The following SEMA3E variants were observed in gnomAD, a reference collection of about 807,000 sequenced individuals.
SEMA3E encodes semaphorin-3E.
Under a neutral mutation model 93.6 loss-of-function variants are expected in SEMA3E, and 49 were observed. That is an observed-to-expected ratio of 0.52 (90% CI 0.42 to 0.66). The LOEUF (loss-of-function observed/expected upper bound fraction) is 0.66, where lower values mean the gene tolerates loss of function less well. Among genes scored for constraint, SEMA3E ranks in the 30% least tolerant of loss-of-function variants. The pLI is 0.00. For missense variants in SEMA3E, 906 were observed against 964.8 expected (o/e 0.94, Z 0.81); for synonymous variants, 363 against 330.7 (o/e 1.10, Z -1.06).
intron 4 of SEMA3E, among the ~76,000 whole-genome samples, chr7:83,461,537 T>A (rs1474435310): frequency 6.6e-6 from 1 of 152,214 alleles, no homozygotes; most frequent in East Asian, 1.9e-4. Flanking sequence ...TCAAGGTTAA[T>A]GCTCTTTTTC....
At chr7:83,389,666 C>T (rs1025247296) in intron 14 of SEMA3E, among the ~76,000 whole-genome samples, 1 of 150,394 alleles carries the variant, frequency 6.6e-6, no homozygotes. Flanking sequence ...TATACATACA[C>T]ACATATACAC....
chr7:83,568,557 A>G (rs990639782), intron 1 of SEMA3E, among the ~76,000 whole-genome samples: 1 of 152,200 alleles, frequency 6.6e-6, no homozygotes, highest in Non-Finnish European at 1.5e-5. Flanking sequence ...CAAGGATGCA[A>G]GGATGGATTA....
At chr7:83,611,848 A>G (rs1234037930) in intron 1 of SEMA3E, among the ~76,000 whole-genome samples, 1 of 152,052 alleles carries the variant, frequency 6.6e-6, no homozygotes, top group Non-Finnish European at 1.5e-5. Context: ...GAGTCAGACC[A>G]AGTCATTCCT....
chr7:83,467,229 T>C (rs1384533732), intron 3 of SEMA3E, among the ~76,000 whole-genome samples: 1 of 152,120 alleles, frequency 6.6e-6, no homozygotes, highest in African/African-American at 2.4e-5. Flanking sequence ...CATGCCCAGC[T>C]AATCTTTTTG....
chr7:83,511,844 C>T lies in SEMA3E; in HGVS notation c.116-21570G>A, dbSNP rs550112676. ...CCGCGAGGCAGAGGTAGCAGTGAGC[C>T]GAGACCGCGCCATTACACTCCAGCC... On this transcript the variant is annotated intron_variant, in intron 1 of 16. Transcript: ENST00000643230. Among the ~76,000 whole-genome samples the T allele has an allele frequency of 1.2e-3, 189 of 152,130 alleles. 1 individual carries two copies. Among genetic ancestry groups the T allele is most frequent in the African/African-American group, 4.4e-3 (182 of 41,524 alleles).
At chr7:83,451,927 T>C (rs529678933) in intron 4 of SEMA3E, among the ~76,000 whole-genome samples, 20 of 152,346 alleles carry the variant, frequency 1.3e-4, no homozygotes, top group African/African-American at 4.8e-4. Flanking sequence ...GTCACAATTA[T>C]GAGAAGCTCA....
intron 4 of SEMA3E, among the ~76,000 whole-genome samples, chr7:83,444,917 C>T (rs2371673): frequency 0.63 from 95,369 of 152,008 alleles, 33,464 homozygotes; most frequent in East Asian, 1. Context: ...GTGATGCGCC[C>T]GTTTTGGCCT....
At chr7:83,602,543 T>C (rs1793018927) in intron 1 of SEMA3E, among the ~76,000 whole-genome samples, 1 of 151,962 alleles carries the variant, frequency 6.6e-6, no homozygotes, top group Non-Finnish European at 1.5e-5. Flanking sequence ...AGTGGCTTGA[T>C]CTCAGCTCAC....
In SEMA3E at chr7:83,366,972, A is replaced by T. The variant is rs1434497751; in HGVS notation, c.*614T>A. ...ATTAAAGACTGTGTTATAAAGCAAA[A>T]ATAGTGTGAATGTACTTTAATGAAT... On this transcript the variant is annotated 3_prime_UTR_variant, in exon 17 of 17. Transcript: ENST00000643230. 1 of 152,476 alleles carries T rather than the reference A, an allele frequency of 6.6e-6. No individual in the cohort carries two copies. Among genetic ancestry groups the T allele is most frequent in the Non-Finnish European group, 1.5e-5 (1 of 68,242 alleles). 9.4% of individuals were successfully genotyped at this position (152,476 alleles called of 1,614,324 possible). A position where few individuals can be genotyped will look rare whatever the true frequency, so the allele number is the denominator to read the frequency against.
At position 83,494,689 on chromosome 7, in the gene SEMA3E, C is replaced by T. The variant is rs79701319; in HGVS notation, c.116-4415G>A. 5.1e-3 allele frequency among the ~76,000 whole-genome samples: 780 copies of T among 152,040 alleles called. 12 individuals carry two copies. The highest frequency in any genetic ancestry group is 0.018 in the African/African-American group (748 of 41,534). On this transcript the variant is annotated intron_variant, in intron 1 of 16. Coordinates refer to ENST00000643230, the MANE Select transcript of SEMA3E (RefSeq NM_012431.3). The stretch of plus-strand genomic sequence containing the variant: ...TCTTTGCTTCTTGCTTCTCTTAATG[C>T]CACCGCTTCACTGTACTGATTCTAA...
At chr7:83,532,486 A>T (rs1339024343) in intron 1 of SEMA3E, among the ~76,000 whole-genome samples, 1 of 152,220 alleles carries the variant, frequency 6.6e-6, no homozygotes, top group Non-Finnish European at 1.5e-5. Flanking sequence ...ATTAATGAAT[A>T]AATGTGTGAC....
intron 14 of SEMA3E, among the ~76,000 whole-genome samples, chr7:83,388,928 T>C (rs1215950125): frequency 6.6e-6 from 1 of 151,718 alleles, no homozygotes; most frequent in Non-Finnish European, 1.5e-5. Context: ...AACATATTAA[T>C]AGATATTAAA....
At chr7:83,588,159 G>A (rs201419612) in intron 1 of SEMA3E, among the ~76,000 whole-genome samples, 6 of 152,062 alleles carry the variant, frequency 3.9e-5, no homozygotes, top group Non-Finnish European at 8.8e-5. Flanking sequence ...TGAGGCAGGC[G>A]GATCATGAGG....
At position 83,421,565 on chromosome 7, in the gene SEMA3E, C is replaced by T. The variant is rs1022742179; in HGVS notation, c.457-3082G>A. Among the ~76,000 whole-genome samples the T allele has an allele frequency of 4.9e-5, 7 of 142,016 alleles. 1 individual carries two copies. The highest frequency in any genetic ancestry group is 1.8e-4 in the African/African-American group (7 of 39,740). 93.2% of individuals were successfully genotyped at this position (142,016 alleles called of 152,430 possible). Reference sequence around the variant, plus strand: ...TATAAAAAACTAATTTAAAATAGAACATCATGATATTGCTCAATTTGGCAA... The same window carrying T: ...TATAAAAAACTAATTTAAAATAGAATATCATGATATTGCTCAATTTGGCAA... On this transcript the variant is annotated intron_variant, in intron 4 of 16. Transcript: ENST00000643230.
intron 1 of SEMA3E, among the ~76,000 whole-genome samples, chr7:83,622,669 T>A (rs1222463718): frequency 6.6e-6 from 1 of 152,218 alleles, no homozygotes; most frequent in East Asian, 1.9e-4. Flanking sequence ...AATGAGATCA[T>A]GTCCTTTGCA....
At chr7:83,540,041 G>T (rs1320115183) in intron 1 of SEMA3E, among the ~76,000 whole-genome samples, 4 of 151,928 alleles carry the variant, frequency 2.6e-5, no homozygotes, top group African/African-American at 7.3e-5. Flanking sequence ...CCACCACTAT[G>T]CCTGGGTAAT....
chr7:83,372,231 T>A (rs1329529550), intron 16 of SEMA3E: 2 of 397,958 alleles, frequency 5.0e-6, no homozygotes, highest in African/African-American at 4.1e-5. Context: ...TCAGGAGCAC[T>A]TAGTAACTGA....
intron 1 of SEMA3E, among the ~76,000 whole-genome samples, chr7:83,609,439 G>T (rs1482406854): frequency 6.6e-6 from 1 of 151,952 alleles, no homozygotes; most frequent in Non-Finnish European, 1.5e-5. Context: ...TAAATTTTGT[G>T]AATATTTTAG....
In SEMA3E at chr7:83,586,618, C is replaced by T. The variant is rs3757615; in HGVS notation, c.115+61810G>A. Among the ~76,000 whole-genome samples the T allele has an allele frequency of 1.9e-3, 293 of 151,654 alleles. 6 individuals are homozygous for T. In the East Asian group the frequency reaches 0.043, roughly 22 times the overall value. ...AAAGCAGCCAAAGGGATTTGGCACG[C>T]TATTTTAATCAGTAAGACTCTCTCT... On this transcript the variant is annotated intron_variant, in intron 1 of 16. Transcript: ENST00000643230.
Sources: gnomAD v4.1 joint callset for allele counts (sites outside exome capture counted in the v4.1 genomes callset) on GRCh38, gnomAD v4.1.1 for gene constraint, MANE v1.5 for transcripts, NCBI Gene and HGNC (gene_info 2026-07-23, HGNC 2026-07-21) for gene names.